The following CPNE8 variants were observed in gnomAD, a reference collection of about 807,000 sequenced individuals.
The protein encoded by CPNE8 is copine-8.
CPNE8 carries 45 observed loss-of-function variants against 81.5 expected under a neutral mutation model. That is an observed-to-expected ratio of 0.55 (90% CI 0.44 to 0.71). The LOEUF (loss-of-function observed/expected upper bound fraction) is 0.71, where lower values mean the gene tolerates loss of function less well. CPNE8 is among the 30% of genes least tolerant of loss of function. The pLI, the probability that CPNE8 is intolerant of heterozygous loss-of-function variation, is 0.00. For missense variants in CPNE8, 594 were observed against 672.1 expected (o/e 0.88, Z 1.28); for synonymous variants, 252 against 226.3 (o/e 1.11, Z -1.02).
chr12:38,657,677 A>G (rs1387431336), intron 19 of CPNE8, among the ~76,000 whole-genome samples: 1 of 151,878 alleles, frequency 6.6e-6, no homozygotes, highest in Non-Finnish European at 1.5e-5. Context: ...CGAAGCTTCC[A>G]GAGGAAGGAT....
At chr12:38,670,648 A>G (rs988345831) in intron 19 of CPNE8, 81 bp downstream of exon 19, 8 of 921,930 alleles carry the variant, frequency 8.7e-6, no homozygotes, top group Non-Finnish European at 1.3e-5. Context: ...AAAGTCTGTT[A>G]TATTTCTAGC....
At chr12:38,860,686 C>T (rs1943818268) in intron 3 of CPNE8, among the ~76,000 whole-genome samples, 1 of 152,008 alleles carries the variant, frequency 6.6e-6, no homozygotes, top group Non-Finnish European at 1.5e-5. Flanking sequence ...GAAATCATGC[C>T]ATTTGTAACA....
intron 19 of CPNE8, among the ~76,000 whole-genome samples, chr12:38,669,027 C>T (rs1332244635): frequency 6.7e-6 from 1 of 149,894 alleles, no homozygotes; most frequent in Non-Finnish European, 1.5e-5. Flanking sequence ...GCACTCCAGC[C>T]TGGGCAACAG....
intron 1 of CPNE8, among the ~76,000 whole-genome samples, chr12:38,879,290 C>G (rs1210658436): frequency 1.3e-5 from 2 of 151,936 alleles, no homozygotes; most frequent in Non-Finnish European, 2.9e-5. Context: ...CAGTAGGGAC[C>G]CTGGCTTTAC....
intron 7 of CPNE8, among the ~76,000 whole-genome samples, chr12:38,773,213 T>C (rs1016592244): frequency 1.8e-4 from 28 of 152,122 alleles, no homozygotes; most frequent in African/African-American, 5.8e-4. Flanking sequence ...TTATGTAAGA[T>C]GAATAAGTCA....
At chr12:38,868,127 A>G (rs1272211039) in intron 3 of CPNE8, among the ~76,000 whole-genome samples, 7 of 152,248 alleles carry the variant, frequency 4.6e-5, no homozygotes, top group African/African-American at 7.2e-5. Context: ...GAATTTAAAT[A>G]CAAACATAAC....
chr12:38,780,164 G>C (rs912212809), intron 6 of CPNE8, among the ~76,000 whole-genome samples: 8 of 152,020 alleles, frequency 5.3e-5, no homozygotes, highest in African/African-American at 1.4e-4. Context: ...TTTATTAAAG[G>C]GACTATCTGC....
intron 2 of CPNE8, 132 bp from the exon 3 acceptor site, chr12:38,873,182 CA>C (rs374040837): frequency 0.015 from 6,136 of 412,122 alleles, no homozygotes; most frequent in South Asian, 0.026. Context: ...CTTACCCTTG[CA>C]AAAAAAAAAG....
At chr12:38,872,012 G>T (rs1280060842) in intron 3 of CPNE8, among the ~76,000 whole-genome samples, 1 of 152,104 alleles carries the variant, frequency 6.6e-6, no homozygotes, top group African/African-American at 2.4e-5. Flanking sequence ...GCGCATGCCT[G>T]TAATCTCAGC....
chr12:38,665,596 A>G (rs1939044168), intron 19 of CPNE8, among the ~76,000 whole-genome samples: 1 of 152,088 alleles, frequency 6.6e-6, no homozygotes, highest in Non-Finnish European at 1.5e-5. Context: ...TCCATTAGTG[A>G]TTTTCAAGTC....
intron 3 of CPNE8, among the ~76,000 whole-genome samples, chr12:38,868,704 CTATT>C (rs1007812223): frequency 1.4e-4 from 21 of 152,254 alleles, no homozygotes; most frequent in African/African-American, 4.3e-4. Context: ...TAAATATTAT[CTATT>C]TGTCTCTCCA....
intron 19 of CPNE8, among the ~76,000 whole-genome samples, chr12:38,661,863 A>T (rs77598568): frequency 0.03 from 4,605 of 151,772 alleles, 105 homozygotes; most frequent in Middle Eastern, 0.062. Flanking sequence ...GTGCAAATCA[A>T]TAAATGTGAT....
intron 10 of CPNE8, among the ~76,000 whole-genome samples, chr12:38,745,398 A>C (rs933219658): frequency 2.0e-5 from 3 of 152,156 alleles, no homozygotes; most frequent in Non-Finnish European, 4.4e-5. Flanking sequence ...TGTTCCTGGA[A>C]TTTTATTGCA....
chr12:38,736,782 A>G (rs1395157596), intron 10 of CPNE8, among the ~76,000 whole-genome samples: 1 of 152,110 alleles, frequency 6.6e-6, no homozygotes, highest in Non-Finnish European at 1.5e-5. Context: ...AAAATTCTTA[A>G]CAGGAAATAA....
intron 6 of CPNE8, among the ~76,000 whole-genome samples, chr12:38,789,325 A>T (rs1942270618): frequency 6.6e-6 from 1 of 151,924 alleles, no homozygotes; most frequent in South Asian, 2.1e-4. Context: ...CATTTTCAAC[A>T]GAGGTGCCAA....
intron 3 of CPNE8, among the ~76,000 whole-genome samples, chr12:38,866,782 C>T (rs757319239): frequency 1.4e-4 from 21 of 152,210 alleles, no homozygotes; most frequent in Middle Eastern, 3.4e-3. Context: ...ATTCTGAAAC[C>T]ATGACGTTAA....
intron 3 of CPNE8, among the ~76,000 whole-genome samples, chr12:38,868,669 T>TA (rs1293053385): frequency 3.9e-5 from 6 of 152,178 alleles, no homozygotes; most frequent in Non-Finnish European, 7.4e-5. Flanking sequence ...CTTTAAGTGT[T>TA]ACAAAGGTTT....
intron 3 of CPNE8, among the ~76,000 whole-genome samples, chr12:38,849,547 A>G (rs138043831): frequency 1.8e-4 from 28 of 152,298 alleles, no homozygotes; most frequent in Admixed American, 1.6e-3. Flanking sequence ...TTTAATAGGA[A>G]AAGAGAAGAA....
intron 10 of CPNE8, among the ~76,000 whole-genome samples, chr12:38,744,451 G>A (rs542134318): frequency 6.6e-6 from 1 of 152,234 alleles, no homozygotes; most frequent in South Asian, 2.1e-4. Context: ...AGTCAGCAAC[G>A]CCTTATTCTC....
Sources: allele counts gnomAD v4.1 joint callset (sites outside exome capture counted in the v4.1 genomes callset), GRCh38; gene constraint gnomAD v4.1.1; transcripts MANE v1.5; gene names NCBI Gene and HGNC (gene_info 2026-07-23, HGNC 2026-07-21).